The following PRKCE variants were observed in gnomAD, a reference collection of about 807,000 sequenced individuals.
The protein encoded by PRKCE is protein kinase C epsilon type.
Under a neutral mutation model 85.4 loss-of-function variants are expected in PRKCE, and 16 were observed. The ratio of observed to expected loss-of-function variants is 0.19; its 90% CI spans 0.13 to 0.28. PRKCE has a LOEUF of 0.28. PRKCE is among the 10% of genes least tolerant of loss of function. PRKCE has a pLI of 1.00. For synonymous variants in PRKCE, 388 were observed against 371.5 expected (o/e 1.04, Z -0.51); for missense variants, 573 against 975.2 (o/e 0.59, Z 5.49).
chr2:45,849,911 T>C (rs1692113094), intron 2 of PRKCE, among the ~76,000 whole-genome samples: 1 of 152,160 alleles, frequency 6.6e-6, no homozygotes, highest in Non-Finnish European at 1.5e-5. Context: ...GAAGTGACTA[T>C]ATGCACCAGA....
chr2:45,903,024 T>C (rs1258609317), intron 2 of PRKCE, among the ~76,000 whole-genome samples: 1 of 152,246 alleles, frequency 6.6e-6, no homozygotes, highest in East Asian at 1.9e-4. Context: ...AGGAGGATCC[T>C]ACGTGAATAT....
At chr2:45,997,226 A>G (rs1704292921) in intron 6 of PRKCE, among the ~76,000 whole-genome samples, 1 of 152,058 alleles carries the variant, frequency 6.6e-6, no homozygotes, top group Non-Finnish European at 1.5e-5. Flanking sequence ...TAGCCTTACT[A>G]GAGGCTTATT....
rs532132852 is a variant in PRKCE at position 45,931,817 on chromosome 2, G to A, written c.413-44612G>A. Among the ~76,000 whole-genome samples the A allele has an allele frequency of 3.3e-5, 5 of 152,038 alleles. No homozygotes were observed. The South Asian group carries it at 6.2e-4, about 19-fold the overall frequency. On this transcript the variant is annotated intron_variant, in intron 2 of 14. Transcript: ENST00000306156. ...CGCCTCCCGGGTTGCAGCGATTCTC[G>A]TGCCTCAGCCTCCTCAATAGCTGGG...
rs531317203 is a variant in PRKCE, at chr2:45,992,783, G to A, written c.823+8103G>A. 5.9e-5 allele frequency among the ~76,000 whole-genome samples: 9 copies of A among 152,272 alleles called. No homozygotes were observed. In the East Asian group the frequency reaches 1.7e-3, roughly 29 times the overall value. The stretch of plus-strand genomic sequence containing the variant: ...TTCAATCTCAGCTATAAAAAGGGTG[G>A]AAACATGGAAACCAAGTCTCTCCAA... On this transcript the variant is annotated intron_variant, in intron 6 of 14. Coordinates refer to ENST00000306156, the MANE Select transcript of PRKCE (RefSeq NM_005400.3).
At chr2:45,765,268 T>G (rs1684821839) in intron 1 of PRKCE, among the ~76,000 whole-genome samples, 1 of 152,240 alleles carries the variant, frequency 6.6e-6, no homozygotes, top group South Asian at 2.1e-4. Context: ...TGAGTAAGCC[T>G]GGAGAATAAG....
intron 11 of PRKCE, among the ~76,000 whole-genome samples, chr2:46,126,661 T>A (rs1020183339): frequency 5.3e-5 from 8 of 152,360 alleles, no homozygotes; most frequent in African/African-American, 1.9e-4. Flanking sequence ...GTGGTAATTC[T>A]TTTTTAGCTT....
chr2:45,914,663 A>T (rs146415954), intron 2 of PRKCE, among the ~76,000 whole-genome samples: 1 of 152,226 alleles, frequency 6.6e-6, no homozygotes, highest in Non-Finnish European at 1.5e-5. Context: ...CTTTCTACAC[A>T]TGTTAAAGTC....
At chr2:45,886,609 G>A (rs990365461) in intron 2 of PRKCE, among the ~76,000 whole-genome samples, 2 of 152,226 alleles carry the variant, frequency 1.3e-5, no homozygotes, top group African/African-American at 4.8e-5. Flanking sequence ...TACAGCTGAC[G>A]TGATAACAGT....
At chr2:45,783,114 G>A (rs900467539) in intron 1 of PRKCE, among the ~76,000 whole-genome samples, 2 of 152,184 alleles carry the variant, frequency 1.3e-5, no homozygotes, top group Admixed American at 6.5e-5. Flanking sequence ...TCCCAGGCTG[G>A]TGCTTGGCAG....
Position 45,776,501 on chromosome 2 carries a change from C to G in PRKCE, c.349-66499C>G, listed in dbSNP as rs77620434. Reference sequence around the variant, plus strand: ...GGGTGTCCTAATAAACGGACCAAGCCCAGAATCTCACCCACATGATCTTGC... The same window carrying G: ...GGGTGTCCTAATAAACGGACCAAGCGCAGAATCTCACCCACATGATCTTGC... On this transcript the variant is annotated intron_variant, in intron 1 of 14. Coordinates refer to ENST00000306156, the MANE Select transcript of PRKCE (RefSeq NM_005400.3). 2.6e-4 allele frequency among the ~76,000 whole-genome samples: 40 copies of G among 152,288 alleles called. 1 individual carries two copies. In the East Asian group the frequency reaches 3.3e-3, roughly 12 times the overall value.
At chr2:45,803,303 C>A (rs1192322933) in intron 1 of PRKCE, among the ~76,000 whole-genome samples, 1 of 152,200 alleles carries the variant, frequency 6.6e-6, no homozygotes, top group African/African-American at 2.4e-5. Context: ...AAATAATACA[C>A]TGAAATTAAG....
rs1180627474 is a variant in PRKCE at position 46,138,882 on chromosome 2, A to G, written c.1593-6211A>G. Among the ~76,000 whole-genome samples the G allele has an allele frequency of 6.6e-6, 1 of 152,176 alleles. No homozygotes were observed. On this transcript the variant is annotated intron_variant, in intron 11 of 14. Transcript: ENST00000306156. This position sits in a 1 kb window ranked among gnomAD's most constrained non-coding sequence, Gnocchi z 4.2. ...ATGTCAATCTCGTCCCAGCATGCCA[A>G]GGTTAAGACACACTGGACTCAAGGG...
intron 2 of PRKCE, among the ~76,000 whole-genome samples, chr2:45,865,932 T>G (rs4605414): frequency 1.3e-5 from 2 of 151,402 alleles, no homozygotes; most frequent in Middle Eastern, 3.4e-3. Flanking sequence ...ATCCTACTGC[T>G]TCAGCCTCCC....
chr2:46,159,354 A>G lies in PRKCE; in HGVS notation c.1921-252A>G, dbSNP rs564033229. On this transcript the variant is annotated intron_variant, in intron 13 of 14. Transcript: ENST00000306156. This position sits in a 1 kb window ranked among gnomAD's most constrained non-coding sequence, Gnocchi z 4.1. ...AGTGCCTCGTTTATAATATAGAGAC[A>G]ATGATAGTACCTCGTAGGGCATTAG... Among the ~76,000 whole-genome samples the G allele has an allele frequency of 1.3e-5, 2 of 152,334 alleles. No individual in the cohort carries two copies. Among genetic ancestry groups the G allele is most frequent in the East Asian group, 3.9e-4 (2 of 5,188 alleles).
intron 1 of PRKCE, among the ~76,000 whole-genome samples, chr2:45,831,990 T>TA (rs1444077537): frequency 6.6e-6 from 1 of 152,238 alleles, no homozygotes; most frequent in African/African-American, 2.4e-5. Context: ...ATATTTAAAC[T>TA]AAATGATTTT....
chr2:45,764,226 C>T (rs1486953579), intron 1 of PRKCE, among the ~76,000 whole-genome samples: 1 of 152,178 alleles, frequency 6.6e-6, no homozygotes, highest in Non-Finnish European at 1.5e-5. Flanking sequence ...CAAAGCCCAC[C>T]TGTACGAATG....
chr2:45,813,654 A>T (rs4953262), intron 1 of PRKCE, among the ~76,000 whole-genome samples: 1 of 151,964 alleles, frequency 6.6e-6, no homozygotes, highest in East Asian at 1.9e-4. Flanking sequence ...AGCCACTTCC[A>T]GCATACAGGA....
intron 1 of PRKCE, among the ~76,000 whole-genome samples, chr2:45,773,529 C>G (rs55670211): frequency 0.043 from 6,539 of 152,292 alleles, 327 homozygotes; most frequent in African/African-American, 0.12. Flanking sequence ...CACACCTGCT[C>G]TTGCTGACTC....
intron 2 of PRKCE, among the ~76,000 whole-genome samples, chr2:45,950,779 T>G (rs1700567152): frequency 6.6e-6 from 1 of 152,148 alleles, no homozygotes; most frequent in Non-Finnish European, 1.5e-5. Context: ...TTCCGTTGGC[T>G]CAAGGTGAGA....
Sources: gnomAD v4.1 joint callset for allele counts (sites outside exome capture counted in the v4.1 genomes callset) on GRCh38, gnomAD v4.1.1 for gene constraint, Gnocchi (gnomAD v3.1) non-coding constraint, MANE v1.5 for transcripts, NCBI Gene and HGNC (gene_info 2026-07-23, HGNC 2026-07-21) for gene names.